FRMD4A: variants seen among roughly 807,000 people sequenced by gnomAD.
FRMD4A encodes the protein FERM domain-containing protein 4A.
In FRMD4A, 29 loss-of-function variants were observed where a neutral mutation model predicts 129.1. That is an observed-to-expected ratio of 0.22 (90% CI 0.17 to 0.31). FRMD4A has a LOEUF of 0.31. Ranked by LOEUF, FRMD4A falls within the 10% of genes least tolerant of loss-of-function variation. FRMD4A has a pLI of 1.00. For missense variants in FRMD4A, 1,272 were observed against 1,375.8 expected (o/e 0.92, Z 1.19); for synonymous variants, 634 against 571.6 (o/e 1.11, Z -1.56).
At chr10:14,118,585 G>C (rs1360381017) in intron 2 of FRMD4A, among the ~76,000 whole-genome samples, 1 of 152,190 alleles carries the variant, frequency 6.6e-6, no homozygotes, top group Non-Finnish European at 1.5e-5. Context: ...ATGAAGAAAA[G>C]AGGTTTAATG....
At chr10:14,132,451 T>G (rs1244835186) in intron 2 of FRMD4A, among the ~76,000 whole-genome samples, 1 of 152,192 alleles carries the variant, frequency 6.6e-6, no homozygotes, top group East Asian at 1.9e-4. Context: ...TGGGGTCTCC[T>G]GGGAGCAGAC....
At chr10:13,718,345 G>T (rs1443361777) in intron 12 of FRMD4A, among the ~76,000 whole-genome samples, 1 of 152,264 alleles carries the variant, frequency 6.6e-6, no homozygotes, top group Admixed American at 6.5e-5. Context: ...CTGCAATTGT[G>T]GCGGCAGCCA....
rs980736594 is a variant in FRMD4A at position 14,070,595 on chromosome 10, A to C, written c.46-211683T>G. On this transcript the variant is annotated intron_variant, in intron 2 of 24. Transcript: ENST00000357447. ...ACCTTCTGCTTTGGGTTTCAGAGAC[A>C]CTGGAACCCTCATTCACCTTAGGGC... Among the ~76,000 whole-genome samples the C allele has an allele frequency of 2.0e-5, 3 of 152,196 alleles. No homozygotes were observed. In the South Asian group the frequency reaches 6.2e-4, roughly 32 times the overall value.
At chr10:13,714,309 C>T (rs973453809) in intron 12 of FRMD4A, among the ~76,000 whole-genome samples, 23 of 151,332 alleles carry the variant, frequency 1.5e-4, no homozygotes, top group African/African-American at 2.2e-4. Flanking sequence ...GTGATCCACT[C>T]GCCTTGGCTT....
intron 2 of FRMD4A, among the ~76,000 whole-genome samples, chr10:14,166,152 A>G (rs1841164497): frequency 6.6e-6 from 1 of 150,746 alleles, no homozygotes; most frequent in South Asian, 2.1e-4. Flanking sequence ...TGTATAATCA[A>G]TGCCAATGTT....
chr10:14,131,059 T>G (rs1053776508), intron 2 of FRMD4A, among the ~76,000 whole-genome samples: 7 of 152,200 alleles, frequency 4.6e-5, no homozygotes, highest in African/African-American at 1.7e-4. Context: ...CAGTGTGGAA[T>G]TCCCAGGTAA....
chr10:14,095,480 C>G (rs1010150347), intron 2 of FRMD4A, among the ~76,000 whole-genome samples: 1 of 152,148 alleles, frequency 6.6e-6, no homozygotes, highest in Non-Finnish European at 1.5e-5. Flanking sequence ...TTGAACTATC[C>G]GTGGGGACAT....
chr10:13,884,151 CACTCT>C (rs1589153891), intron 2 of FRMD4A, among the ~76,000 whole-genome samples: 28 of 17,138 alleles, frequency 1.6e-3, no homozygotes, highest in South Asian at 6.8e-3. Context: ...CACTCTCACA[CACTCT>C]CACACACACA....
At chr10:14,107,014 C>A (rs116363675) in intron 2 of FRMD4A, among the ~76,000 whole-genome samples, 2,602 of 152,262 alleles carry the variant, frequency 0.017, 103 homozygotes, top group African/African-American at 0.059. Flanking sequence ...GAATACTATG[C>A]AGCCATGAAA....
At position 13,657,037 on chromosome 10, in the gene FRMD4A, C is replaced by T. The variant is rs1403755454; in HGVS notation, c.2552G>A (p.Arg851His). 6.4e-7 allele frequency: 1 copy of T among 1,570,040 alleles called. No individual in the cohort carries two copies. Among genetic ancestry groups the T allele is most frequent in the Non-Finnish European group, 8.6e-7 (1 of 1,164,900 alleles). ...GCCCTCCTGGTCGCTCTCCAGGCTG[C>T]GCACCACCACGGGCGTGGCGCCGCC... ...IEGGATPVVV[R>H]SLESDQEGHY... The change falls in exon 22 of 25, where the codon CGC becomes CAC. Residue 851 changes from arginine to histidine, a missense_variant. Around this residue, in one of 2 missense-constraint regions of FRMD4A, gnomAD observed 972 missense variants for 892.3 expected, o/e 1.09. Transcript: ENST00000357447.
intron 2 of FRMD4A, among the ~76,000 whole-genome samples, chr10:13,987,563 C>T (rs1398619999): frequency 6.6e-6 from 1 of 152,178 alleles, no homozygotes; most frequent in African/African-American, 2.4e-5. Flanking sequence ...ACCCTGATCA[C>T]TCCCTCCTTT....
At chr10:13,772,111 C>T (rs117434022) in intron 6 of FRMD4A, among the ~76,000 whole-genome samples, 3,661 of 141,506 alleles carry the variant, frequency 0.026, 85 homozygotes, top group African/African-American at 0.055. Flanking sequence ...AGCAAGACTC[C>T]GCCTCAAAAA....
At chr10:13,774,104 T>C (rs2092536994) in intron 6 of FRMD4A, among the ~76,000 whole-genome samples, 1 of 152,198 alleles carries the variant, frequency 6.6e-6, no homozygotes, top group Middle Eastern at 3.2e-3. Flanking sequence ...TCAGAAACAC[T>C]GTTGGACCAT....
intron 3 of FRMD4A, among the ~76,000 whole-genome samples, chr10:13,848,636 G>GTGTGTGTA (rs2094093373): frequency 6.9e-6 from 1 of 145,022 alleles, no homozygotes; most frequent in African/African-American, 2.5e-5. Context: ...GTGTGTGTGT[G>GTGTGTGTA]TGTAAACGCG....
intron 2 of FRMD4A, among the ~76,000 whole-genome samples, chr10:14,220,501 C>T (rs931279669): frequency 1.8e-4 from 27 of 152,220 alleles, no homozygotes; most frequent in African/African-American, 6.5e-4. Context: ...CTCTATCCCC[C>T]GCCTTGAGGC....
chr10:13,797,578 A>G (rs2093148618), intron 4 of FRMD4A, among the ~76,000 whole-genome samples: 1 of 152,170 alleles, frequency 6.6e-6, no homozygotes, highest in Non-Finnish European at 1.5e-5. Flanking sequence ...GGGCAAAGCC[A>G]TGGAACAACC....
At chr10:14,295,545 C>T (rs1331223513) in intron 2 of FRMD4A, among the ~76,000 whole-genome samples, 1 of 152,164 alleles carries the variant, frequency 6.6e-6, no homozygotes, top group Non-Finnish European at 1.5e-5. Context: ...GCACTCAGCT[C>T]ATAGTTTGTG....
At chr10:14,048,191 T>A (rs1834071107) in intron 2 of FRMD4A, among the ~76,000 whole-genome samples, 1 of 152,122 alleles carries the variant, frequency 6.6e-6, no homozygotes, top group Non-Finnish European at 1.5e-5. Context: ...TCCACTGCCC[T>A]GAAGATCCCA....
intron 2 of FRMD4A, among the ~76,000 whole-genome samples, chr10:14,180,593 TAC>T (rs1841881830): frequency 6.6e-6 from 1 of 152,340 alleles, no homozygotes. Flanking sequence ...AGCAAAACTC[TAC>T]AGTCTTCTGA....
Sources: allele counts gnomAD v4.1 joint callset (sites outside exome capture counted in the v4.1 genomes callset), GRCh38; gene constraint gnomAD v4.1.1; regional missense constraint gnomAD v4.1.1; transcripts MANE v1.5; gene names NCBI Gene and HGNC (gene_info 2026-07-23, HGNC 2026-07-21).